The following RAB27B variants were observed in gnomAD, a reference collection of about 807,000 sequenced individuals.
RAB27B encodes RAB27B, member RAS oncogene family.
Under a neutral mutation model 24.6 loss-of-function variants are expected in RAB27B, and 15 were observed. The observed-to-expected ratio is 0.61, with a 90% confidence interval of 0.41 to 0.94. The LOEUF (loss-of-function observed/expected upper bound fraction) is 0.94, where lower values mean the gene tolerates loss of function less well. RAB27B is among the 40% of genes least tolerant of loss of function. The pLI is 0.00. For synonymous variants in RAB27B, 105 were observed against 92.5 expected, an observed-to-expected ratio of 1.14 and a Z score of -0.78; for missense variants, 261 against 266.8, an observed-to-expected ratio of 0.98 and a Z score of 0.15.
At position 54,753,204 on chromosome 18, in the gene RAB27B, TA is replaced by T. The variant is rs551265696; in HGVS notation, c.-20+35069del. ...GGGTCACAAGATTAAAGGGATCATT[TA>T]AAAAACTCTGAGTTTAATTTGGACA... On this transcript the variant is annotated intron_variant, in intron 2 of 4. Coordinates refer to the RAB27B transcript ENST00000586570. Among the ~76,000 whole-genome samples, 129 of 152,250 alleles carry T rather than the reference TA, an allele frequency of 8.5e-4. 1 individual carries two copies. Among genetic ancestry groups the T allele is most frequent in the African/African-American group, 2.9e-3 (119 of 41,542 alleles).
rs560419460 is a variant in RAB27B, at chr18:54,751,022, G to T, written c.-20+32881G>T. Among the ~76,000 whole-genome samples the T allele has an allele frequency of 1.1e-4, 16 of 152,304 alleles. No homozygotes were observed. In the South Asian group the frequency reaches 3.3e-3, roughly 32 times the overall value. ...TGGAGAGGAAGGCAGATGACAGTCT[G>T]CAGAGAGGCCCATGGCCACCTGAAG... On this transcript the variant is annotated intron_variant, in intron 2 of 4. Transcript: ENST00000586570.
chr18:54,890,304 C>T lies in RAB27B; in HGVS notation c.*891C>T, dbSNP rs1349763262. On this transcript the variant is annotated 3_prime_UTR_variant, in exon 6 of 6. Coordinates refer to ENST00000262094, the MANE Select transcript of RAB27B (RefSeq NM_004163.4). Reference sequence around the variant, plus strand: ...TAGAAATTGGTTTGGTGTTCAGCTTCACATTTCATTTTTTCTTAGCACATG... The same window carrying T: ...TAGAAATTGGTTTGGTGTTCAGCTTTACATTTCATTTTTTCTTAGCACATG... 1 of 152,102 alleles carries T rather than the reference C, an allele frequency of 6.6e-6. No individual in the cohort carries two copies. The highest frequency in any genetic ancestry group is 6.6e-5 in the Admixed American group (1 of 15,258). The allele number at this position is 152,102 out of a possible 1,614,324, so 9.4% of individuals were successfully genotyped here.
At chr18:54,733,660 C>CCCG (rs1555651351) in intron 2 of RAB27B, among the ~76,000 whole-genome samples, 2 of 139,288 alleles carry the variant, frequency 1.4e-5, no homozygotes, top group African/African-American at 5.2e-5. Flanking sequence ...GCCCCCCCCC[C>CCCG]CCAAATTTGC....
chr18:54,860,652 A>T (rs1171270241), intron 1 of RAB27B, among the ~76,000 whole-genome samples: 1 of 152,218 alleles, frequency 6.6e-6, no homozygotes, highest in Non-Finnish European at 1.5e-5. Flanking sequence ...GGATGAAGAA[A>T]CATTTTCCCC....
At chr18:54,782,425 G>A (rs948995624) in intron 2 of RAB27B, among the ~76,000 whole-genome samples, 1 of 152,164 alleles carries the variant, frequency 6.6e-6, no homozygotes, top group African/African-American at 2.4e-5. Context: ...TATTTTGGAT[G>A]GGCCACTATG....
chr18:54,762,529 T>A (rs896818706), intron 2 of RAB27B, among the ~76,000 whole-genome samples: 4 of 152,220 alleles, frequency 2.6e-5, no homozygotes, highest in African/African-American at 9.6e-5. Context: ...TGCCACATTG[T>A]GCACTTTGCA....
chr18:54,894,687 TCA>T lies in RAB27B; in HGVS notation c.*5277_*5278del, dbSNP rs1913500365. 1 of 152,034 alleles carries T rather than the reference TCA, an allele frequency of 6.6e-6. No individual in the cohort carries two copies. The highest frequency in any genetic ancestry group is 2.4e-5 in the African/African-American group (1 of 41,432). 9.4% of individuals were successfully genotyped at this position (152,034 alleles called of 1,614,324 possible). On this transcript the variant is annotated 3_prime_UTR_variant, in exon 6 of 6. Transcript: ENST00000262094. Reference sequence around the variant, plus strand: ...AACCCTGTATGTGTTTATATGTGCTTCACAGAGTTCGTGTCAGGCTCAAAGGA... The same window carrying T: ...AACCCTGTATGTGTTTATATGTGCTTCAGAGTTCGTGTCAGGCTCAAAGGA...
chr18:54,860,878 A>C (rs1911983394), intron 1 of RAB27B, among the ~76,000 whole-genome samples: 1 of 152,244 alleles, frequency 6.6e-6, no homozygotes, highest in African/African-American at 2.4e-5. Flanking sequence ...GTATTTATTA[A>C]ATTCATAAAA....
intron 2 of RAB27B, among the ~76,000 whole-genome samples, chr18:54,728,855 G>GACAGAGTA (rs1430918731): frequency 2.5e-5 from 2 of 80,206 alleles, no homozygotes; most frequent in Non-Finnish European, 4.4e-5. Flanking sequence ...CAGCCTGGAA[G>GACAGAGTA]ACAGAGTAAG....
At chr18:54,853,949 A>G (rs984832514) in intron 1 of RAB27B, among the ~76,000 whole-genome samples, 3 of 152,230 alleles carry the variant, frequency 2.0e-5, no homozygotes, top group Middle Eastern at 3.4e-3. Context: ...AGTAATGCCA[A>G]TATGTCTTTA....
chr18:54,755,461 C>A (rs1004652911), intron 2 of RAB27B, among the ~76,000 whole-genome samples: 1 of 152,112 alleles, frequency 6.6e-6, no homozygotes, highest in Non-Finnish European at 1.5e-5. Context: ...AAAATAGTTT[C>A]TCTGTGGCAT....
chr18:54,876,814 T>C (rs1164511437), intron 1 of RAB27B, among the ~76,000 whole-genome samples: 1 of 152,224 alleles, frequency 6.6e-6, no homozygotes, highest in African/African-American at 2.4e-5. Context: ...GTGATGTCTC[T>C]CTGTAGGATA....
At chr18:54,817,165 A>C (rs1443851827) in intron 2 of RAB27B, among the ~76,000 whole-genome samples, 1 of 152,216 alleles carries the variant, frequency 6.6e-6, no homozygotes, top group Non-Finnish European at 1.5e-5. Flanking sequence ...TAGCAGATTC[A>C]TTCAGTTATT....
At chr18:54,780,281 G>A (rs911300795) in intron 2 of RAB27B, among the ~76,000 whole-genome samples, 2 of 113,216 alleles carry the variant, frequency 1.8e-5, no homozygotes, top group Admixed American at 1.1e-4. Context: ...CGCCCTCACC[G>A]TGTCTTCCGC....
chr18:54,838,257 C>T lies in RAB27B; in HGVS notation c.-20+9557C>T, dbSNP rs1455296748. On this transcript the variant is annotated intron_variant, in intron 1 of 5. Coordinates refer to ENST00000262094, the MANE Select transcript of RAB27B (RefSeq NM_004163.4). ...TAGTAATGAGTATTTGTGTAGATTC[C>T]AATAATATGCAAAATATTGTCAAGA... Among the ~76,000 whole-genome samples, 3 of 151,888 alleles carry T rather than the reference C, an allele frequency of 2.0e-5. 1 individual carries two copies. Among genetic ancestry groups the T allele is most frequent in the Admixed American group, 6.6e-5 (1 of 15,234 alleles).
At chr18:54,772,269 G>T (rs1446490647) in intron 2 of RAB27B, among the ~76,000 whole-genome samples, 1 of 152,180 alleles carries the variant, frequency 6.6e-6, no homozygotes, top group South Asian at 2.1e-4. Flanking sequence ...TGTATCATGG[G>T]TTAGATGCCA....
chr18:54,767,985 T>G (rs1461203560), intron 2 of RAB27B, among the ~76,000 whole-genome samples: 1 of 152,116 alleles, frequency 6.6e-6, no homozygotes, highest in Non-Finnish European at 1.5e-5. Context: ...TAGTCCCTTC[T>G]TCCAAGAATC....
intron 1 of RAB27B, among the ~76,000 whole-genome samples, chr18:54,859,144 A>T (rs1250780780): frequency 6.6e-6 from 1 of 152,186 alleles, no homozygotes; most frequent in African/African-American, 2.4e-5. Context: ...GTCCTTTCCG[A>T]GTGCCACAAA....
chr18:54,857,324 C>A (rs764053094), intron 1 of RAB27B, among the ~76,000 whole-genome samples: 1 of 152,202 alleles, frequency 6.6e-6, no homozygotes, highest in Admixed American at 6.5e-5. Context: ...AATAATTCCA[C>A]CTTACTTCCA....
Sources: gnomAD v4.1 joint callset for allele counts (sites outside exome capture counted in the v4.1 genomes callset) on GRCh38, gnomAD v4.1.1 for gene constraint, MANE v1.5 for transcripts, NCBI Gene and HGNC (gene_info 2026-07-23, HGNC 2026-07-21) for gene names.